SMARCC1: variants seen among roughly 807,000 people sequenced by gnomAD.
SMARCC1 encodes the protein SWI/SNF related BAF chromatin remodeling complex subunit C1.
Under a neutral mutation model 147.4 loss-of-function variants are expected in SMARCC1, and 43 were observed. The observed-to-expected ratio is 0.29, with a 90% CI of 0.23 to 0.38. SMARCC1 has a LOEUF of 0.38. Ranked by LOEUF, SMARCC1 falls within the 10% of genes least tolerant of loss-of-function variation. The pLI is 1.00. For synonymous variants in SMARCC1, 495 were observed against 484.4 expected (o/e 1.02, Z -0.29); for missense variants, 1,119 against 1,381.1 (o/e 0.81, Z 3.01).
chr3:47,698,656 T>C (rs2033883548), intron 11 of SMARCC1, among the ~76,000 whole-genome samples: 1 of 151,970 alleles, frequency 6.6e-6, no homozygotes. Flanking sequence ...AGACCTCTAA[T>C]AAAACATACA....
chr3:47,608,228 C>G (rs2032509494), intron 26 of SMARCC1, among the ~76,000 whole-genome samples: 1 of 152,136 alleles, frequency 6.6e-6, no homozygotes, highest in African/African-American at 2.4e-5. Context: ...GATGGGACTG[C>G]AGATGTGCAC....
chr3:47,714,330 T>G, intron 8 of SMARCC1, 85 bp downstream of exon 8: 1 of 800,898 alleles, frequency 1.2e-6, no homozygotes, highest in East Asian at 2.6e-5. Flanking sequence ...ACCACTCCAC[T>G]CTAGCCTGGG....
Position 47,610,154 on chromosome 3 carries a change from T to G in SMARCC1, c.2955A>C (p.Ala985=), listed in dbSNP as rs542649369. The G allele has an allele frequency of 2.2e-5, 36 of 1,614,084 alleles. No individual in the cohort carries two copies. The Admixed American group carries it at 5.7e-4, about 25-fold the overall frequency. ...GGPGLAPLGA[A]GHPGMMPHQQ... ...GATGAGGCATCATGCCAGGGTGCCC[T>G]GCTGCTCCAAGTGGGGCCAGGCCAG... Residue 985 remains alanine, a synonymous_variant, in exon 26 of 28, where the codon GCA becomes GCC. Transcript: ENST00000254480.
chr3:47,645,611 T>C (rs914769502), intron 21 of SMARCC1, among the ~76,000 whole-genome samples: 5 of 152,214 alleles, frequency 3.3e-5, no homozygotes, highest in African/African-American at 1.2e-4. Context: ...CCATGACAGA[T>C]TAAGCACAAA....
intron 27 of SMARCC1, 128 bp downstream of exon 27, chr3:47,590,533 G>T: frequency 1.4e-6 from 1 of 720,460 alleles, no homozygotes; most frequent in Non-Finnish European, 2.1e-6. Flanking sequence ...TCTTTGAGAA[G>T]CCACTGTCAC....
At chr3:47,639,715 AAACCAACCAACC>A (rs58771135) in intron 21 of SMARCC1, among the ~76,000 whole-genome samples, 211 of 148,398 alleles carry the variant, frequency 1.4e-3, no homozygotes, top group South Asian at 4.6e-3. Flanking sequence ...CTACATCTCA[AAACCAACCAACC>A]AACCAACCAA....
chr3:47,741,610 T>A (rs1323636695), intron 3 of SMARCC1, among the ~76,000 whole-genome samples: 2 of 151,762 alleles, frequency 1.3e-5, no homozygotes, highest in Admixed American at 1.3e-4. Flanking sequence ...AGGATGAGTA[T>A]CTTTACGATA....
intron 10 of SMARCC1, among the ~76,000 whole-genome samples, chr3:47,702,246 A>C (rs546620185): frequency 1.3e-5 from 2 of 150,776 alleles, no homozygotes; most frequent in African/African-American, 4.9e-5. Context: ...AAAAAAAAAA[A>C]CCCCAGTGAT....
chr3:47,671,197 A>AAAAAAAAAAAAC (rs1157129603), intron 18 of SMARCC1, among the ~76,000 whole-genome samples: 24 of 62,358 alleles, frequency 3.8e-4, no homozygotes, highest in Non-Finnish European at 6.1e-4. Flanking sequence ...AAAAAAAAAA[A>AAAAAAAAAAAAC]ACACACACAA....
rs1432176062 is a variant in SMARCC1, at chr3:47,651,372, C to CT, written c.2320+9921dup. Among the ~76,000 whole-genome samples, 4 of 152,322 alleles carry CT rather than the reference C, an allele frequency of 2.6e-5. No individual in the cohort carries two copies. In the East Asian group the frequency reaches 7.7e-4, roughly 29 times the overall value. On this transcript the variant is annotated intron_variant, in intron 21 of 27. Transcript: ENST00000254480. The stretch of plus-strand genomic sequence containing the variant: ...CCACTTGCTCCACTTTGCATAAAGA[C>CT]TTAAACATTAATATTTTACAATAGC...
At chr3:47,710,637 C>T in intron 9 of SMARCC1, 46 bp downstream of exon 9, 1 of 1,593,586 alleles carries the variant, frequency 6.3e-7, no homozygotes, top group East Asian at 2.2e-5. Flanking sequence ...AACATTTAGG[C>T]CAAGAAGACA....
intron 2 of SMARCC1, among the ~76,000 whole-genome samples, chr3:47,749,415 C>T (rs2034601675): frequency 6.6e-6 from 1 of 152,006 alleles, no homozygotes; most frequent in South Asian, 2.1e-4. Context: ...AAAACCAGCA[C>T]TTTGGGAGGC....
Position 47,588,257 on chromosome 3 carries a change from C to T in SMARCC1, c.3270G>A (p.Gly1090=), listed in dbSNP as rs2032108650. 6.2e-7 allele frequency: 1 copy of T among 1,613,642 alleles called. No homozygotes were observed. The highest frequency in any genetic ancestry group is 1.1e-5 in the South Asian group (1 of 91,060). ...GGCCAGGAGCAGGAGGCGGAGGGAC[C>T]CCATCTGCAGGTGGTGGTGGCGGTG... is the stretch of plus-strand genomic sequence containing the variant. The part of the protein sequence containing the change: ...QQPPPPPPAD[G]VPPPPAPGPP... Residue 1090 remains glycine, a synonymous_variant, in exon 28 of 28, where the codon GGG becomes GGA. Coordinates refer to ENST00000254480, the MANE Select transcript of SMARCC1 (RefSeq NM_003074.4).
chr3:47,710,777 A>G lies in SMARCC1; in HGVS notation c.824T>C (p.Ile275Thr). The change falls in exon 9 of 28, where the codon ATT becomes ACT. Residue 275 changes from isoleucine (I) to threonine (T), a missense_variant. Transcript: ENST00000254480. ...CTCCTCATTCATCCATTCATTGAAAATATCAGTGTCCAAAATCCATTTCAC... is the reference window on the plus strand; with the variant it reads ...CTCCTCATTCATCCATTCATTGAAAGTATCAGTGTCCAAAATCCATTTCAC... ...VHVKWILDTDIFNEWMNEEDY... is the reference protein window; with the variant it reads ...VHVKWILDTDTFNEWMNEEDY... 2 of 1,612,548 alleles carry G rather than the reference A, an allele frequency of 1.2e-6. No individual in the cohort carries two copies. The highest frequency in any genetic ancestry group is 2.7e-5 in the African/African-American group (2 of 74,970).
At chr3:47,612,021 T>C (rs1476888859) in intron 25 of SMARCC1, among the ~76,000 whole-genome samples, 3 of 152,214 alleles carry the variant, frequency 2.0e-5, no homozygotes, top group Admixed American at 6.5e-5. Context: ...GGTTCTACCA[T>C]GGTCCTAATA....
chr3:47,694,343 G>A (rs531113672), intron 11 of SMARCC1, among the ~76,000 whole-genome samples: 1 of 152,352 alleles, frequency 6.6e-6, no homozygotes, highest in South Asian at 2.1e-4. Context: ...GCTCATGCCT[G>A]TAATCCCAGC....
chr3:47,764,646 C>T (rs1452230386), intron 2 of SMARCC1, among the ~76,000 whole-genome samples: 1 of 152,160 alleles, frequency 6.6e-6, no homozygotes, highest in Non-Finnish European at 1.5e-5. Flanking sequence ...CTGCAGCCTA[C>T]TGAGCTCTAT....
At chr3:47,651,794 T>C (rs2033193603) in intron 21 of SMARCC1, among the ~76,000 whole-genome samples, 1 of 152,218 alleles carries the variant, frequency 6.6e-6, no homozygotes, top group Non-Finnish European at 1.5e-5. Flanking sequence ...TTACACTCTA[T>C]AAATATAAAA....
At chr3:47,642,726 T>C (rs1206751590) in intron 21 of SMARCC1, among the ~76,000 whole-genome samples, 1 of 151,840 alleles carries the variant, frequency 6.6e-6, no homozygotes, top group Non-Finnish European at 1.5e-5. Context: ...GAATGTAAAA[T>C]AGTACATATG....
Sources: allele counts gnomAD v4.1 joint callset (sites outside exome capture counted in the v4.1 genomes callset), GRCh38; gene constraint gnomAD v4.1.1; transcripts MANE v1.5; gene names NCBI Gene and HGNC (gene_info 2026-07-23, HGNC 2026-07-21).